Variants in FCRL4 observed in about 807,000 individuals in gnomAD.
The protein encoded by FCRL4 is Fc receptor like 4.
FCRL4 carries 43 observed loss-of-function variants against 64.1 expected under a neutral mutation model. That is an observed-to-expected ratio of 0.67 (90% CI 0.53 to 0.87). FCRL4 has a LOEUF of 0.87. FCRL4 is among the 40% of genes least tolerant of loss of function. FCRL4 has a pLI of 0.00. For synonymous variants in FCRL4, 253 were observed against 239.8 expected (o/e 1.05, Z -0.51); for missense variants, 656 against 613.5 (o/e 1.07, Z -0.73).
At chr1:157,586,036 T>C (rs1652681739) in intron 6 of FCRL4, 132 bp downstream of exon 6, 2 of 877,530 alleles carry the variant, frequency 2.3e-6, no homozygotes, top group Non-Finnish European at 1.7e-6. Flanking sequence ...ATGGAAGAAA[T>C]TGTTTATCAC....
intron 2 of FCRL4, among the ~76,000 whole-genome samples, chr1:157,592,473 A>C (rs1487559474): frequency 6.6e-6 from 1 of 152,252 alleles, no homozygotes; most frequent in African/African-American, 2.4e-5. Flanking sequence ...TAGCCAACAG[A>C]CACATGAAAA....
At chr1:157,592,957 A>G (rs1207989272) in intron 2 of FCRL4, among the ~76,000 whole-genome samples, 1 of 152,288 alleles carries the variant, frequency 6.6e-6, no homozygotes, top group South Asian at 2.1e-4. Flanking sequence ...GAAGCTGGAA[A>G]CCATCATTCT....
In FCRL4 at chr1:157,589,223, C is replaced by T; in HGVS notation, c.288G>A (p.Val96=). The change falls in exon 3 of 12, where the codon GTG becomes GTA. Residue 96 remains valine, a synonymous_variant. Coordinates refer to ENST00000271532, the MANE Select transcript of FCRL4 (RefSeq NM_031282.3). Reference sequence around the variant, plus strand: ...TCTCACCTGAAGAAAAGAGCAAGCGCACAGGGTTACTTCGTGGGGAGCCCC... The same window carrying T: ...TCTCACCTGAAGAAAAGAGCAAGCGTACAGGGTTACTTCGTGGGGAGCCCC... ...QARGSPRSNP[V]RLLFSSDSLI... is the part of the protein sequence containing the mutation. 6.2e-7 allele frequency: 1 copy of T among 1,613,900 alleles called. No homozygotes were observed. Among genetic ancestry groups the T allele is most frequent in the African/African-American group, 1.3e-5 (1 of 75,038 alleles).
intron 10 of FCRL4, among the ~76,000 whole-genome samples, chr1:157,576,816 T>C (rs2101673663): frequency 6.6e-6 from 1 of 152,352 alleles, no homozygotes; most frequent in South Asian, 2.1e-4. Context: ...AATATAGTAA[T>C]AGGCTGTGCA....
chr1:157,580,818 T>A (rs141600472), intron 7 of FCRL4, among the ~76,000 whole-genome samples: 39 of 152,300 alleles, frequency 2.6e-4, no homozygotes, highest in African/African-American at 8.4e-4. Flanking sequence ...TGAATTGAAT[T>A]AAGAGACAGA....
intron 6 of FCRL4, among the ~76,000 whole-genome samples, chr1:157,583,778 A>C (rs1219687285): frequency 2.0e-5 from 3 of 152,228 alleles, no homozygotes; most frequent in Non-Finnish European, 2.9e-5. Flanking sequence ...AGCCCAGTGC[A>C]TGAGGCTACT....
chr1:157,581,762 C>T (rs1652567263), intron 6 of FCRL4, 118 bp from the exon 7 acceptor site: 4 of 727,112 alleles, frequency 5.5e-6, no homozygotes, highest in African/African-American at 3.5e-5. Context: ...AGGACTAGGT[C>T]TCATAAAGAC....
rs928539403 is a variant in FCRL4 at position 157,579,648 on chromosome 1, C to T, written c.1277+673G>A. On this transcript the variant is annotated intron_variant, in intron 8 of 11. Coordinates refer to ENST00000271532, the MANE Select transcript of FCRL4 (RefSeq NM_031282.3). ...ACAAGACTCACTTGAACCTGGGAGG[C>T]GGAGGTTGCCATGAGCTAAGATCGT... 5.3e-5 allele frequency among the ~76,000 whole-genome samples: 8 copies of T among 150,370 alleles called. No individual in the cohort carries two copies. In the East Asian group the frequency reaches 6.0e-4, roughly 11 times the overall value.
chr1:157,595,399 C>T (rs1486820456), intron 2 of FCRL4, among the ~76,000 whole-genome samples: 2 of 152,128 alleles, frequency 1.3e-5, no homozygotes, highest in Non-Finnish European at 2.9e-5. Flanking sequence ...GAGTTGATTT[C>T]CTTTGATGTA....
chr1:157,587,392 G>C lies in FCRL4; in HGVS notation c.731C>G (p.Pro244Arg). ...CCAGACGGTTGGGAGCTGGAGTTCC[G>C]GGTACGTGCTCCAGTCTGACAGGAT... The part of the protein sequence containing the change: ...EVILSDWSTY[P>R]ELQLPTVWRE... The change falls in exon 5 of 12, where the codon CCG (proline) becomes CGG (arginine). Residue 244 changes from proline (P) to arginine (R), a missense_variant. Physicochemically the swap from Pro to Arg is moderately radical, Grantham distance 103 (BLOSUM62 -2). Coordinates refer to ENST00000271532, the MANE Select transcript of FCRL4 (RefSeq NM_031282.3). 1 of 1,614,180 alleles carries C rather than the reference G, an allele frequency of 6.2e-7. No individual in the cohort carries two copies.
At chr1:157,575,828 C>T in intron 10 of FCRL4, 98 bp from the exon 11 acceptor site, 2 of 1,078,966 alleles carry the variant, frequency 1.9e-6, no homozygotes, top group Non-Finnish European at 2.9e-6. Context: ...CCACTGGGCC[C>T]TGTCCACCTC....
In FCRL4 at chr1:157,580,348, C is replaced by A; in HGVS notation, c.1250G>T (p.Gly417Val). ...LFHCWRRRKSGVGFLGDETRL... is the reference protein window; with the variant it reads ...LFHCWRRRKSVVGFLGDETRL... ...GGTTTCGTCTCCCAAGAAACCAACT[C>A]CTGCAAAATAAAGCAAAGACGCATT... The change falls in exon 8 of 12, where the codon GGA (glycine) becomes GTA (valine). Residue 417 changes from glycine (G) to valine (V), a missense_variant and splice_region_variant. Gly to Val is a moderately radical substitution (Grantham distance 109, BLOSUM62 -3). Transcript: ENST00000271532. The A allele has an allele frequency of 6.2e-7, 1 of 1,614,084 alleles. No homozygotes were observed. The highest frequency in any genetic ancestry group is 1.1e-5 in the South Asian group (1 of 91,074).
At chr1:157,586,047 A>T in intron 6 of FCRL4, 121 bp downstream of exon 6, 2 of 993,962 alleles carry the variant, frequency 2.0e-6, no homozygotes, top group Non-Finnish European at 3.0e-6. Flanking sequence ...TGTTTATCAC[A>T]GTGGAGCATG....
At chr1:157,590,427 T>C (rs1415564448) in intron 2 of FCRL4, among the ~76,000 whole-genome samples, 1 of 151,974 alleles carries the variant, frequency 6.6e-6, no homozygotes, top group Non-Finnish European at 1.5e-5. Context: ...TAAATCTCAA[T>C]CATCTGGCTG....
intron 1 of FCRL4, among the ~76,000 whole-genome samples, 197 bp downstream of exon 1, chr1:157,597,717 A>G (rs1652998139): frequency 6.6e-6 from 1 of 152,216 alleles, no homozygotes; most frequent in Non-Finnish European, 1.5e-5. Context: ...GCAAAAATAG[A>G]TGAGAAATAC....
rs776269046 is a variant in FCRL4 at position 157,581,628 on chromosome 1, TCTGTTGC to T, written c.1145_1151del (p.Gly382GlufsTer101). ...TGGCTCCCGCGGCGACAAGGCCATC[TCTGTTGC>T]CTGGGGTCTCTAAGGGGAAAGGACC... On this transcript the variant is annotated frameshift_variant, in exon 7 of 12. Transcript: ENST00000271532. LOFTEE classifies it high-confidence loss of function. 2 of 1,613,722 alleles carry T rather than the reference TCTGTTGC, an allele frequency of 1.2e-6. No homozygotes were observed. Among genetic ancestry groups the T allele is most frequent in the Middle Eastern group, 1.7e-4 (1 of 6,034 alleles).
intron 1 of FCRL4, among the ~76,000 whole-genome samples, chr1:157,597,047 C>G (rs1188305479): frequency 1.3e-5 from 2 of 152,214 alleles, no homozygotes; most frequent in Non-Finnish European, 2.9e-5. Flanking sequence ...TATCCTGTAA[C>G]TATTTGTGTA....
intron 1 of FCRL4, among the ~76,000 whole-genome samples, chr1:157,597,551 A>AATC (rs1017296628): frequency 2.0e-5 from 3 of 152,198 alleles, no homozygotes; most frequent in African/African-American, 7.2e-5. Flanking sequence ...CTGAGTTCAC[A>AATC]ATCAGGACTT....
At chr1:157,584,891 T>A (rs1318071098) in intron 6 of FCRL4, among the ~76,000 whole-genome samples, 1 of 135,242 alleles carries the variant, frequency 7.4e-6, no homozygotes, top group Admixed American at 7.9e-5. Context: ...ATTATAAGGA[T>A]CTGGAAAGAA....
Sources: allele counts gnomAD v4.1 joint callset (sites outside exome capture counted in the v4.1 genomes callset), GRCh38; gene constraint gnomAD v4.1.1; transcripts MANE v1.5; gene names NCBI Gene and HGNC (gene_info 2026-07-23, HGNC 2026-07-21).